DOCK8: variants seen among roughly 807,000 people sequenced by gnomAD.
DOCK8 encodes the protein dedicator of cytokinesis 8.
DOCK8 carries 141 observed loss-of-function variants against 245.6 expected under a neutral mutation model. The observed-to-expected ratio is 0.57, with a 90% CI of 0.50 to 0.66. The LOEUF is 0.66. DOCK8 is among the 30% of genes least tolerant of loss of function. The probability of loss-of-function intolerance (pLI) is 0.00; values close to 1 mark genes in which losing one functional copy is unlikely to be tolerated. For synonymous variants in DOCK8, 1,168 were observed against 970.2 expected (o/e 1.20, Z -3.79); for missense variants, 2,965 against 2,603.4 (o/e 1.14, Z -3.02).
At chr9:423,670 C>G (rs1280716792) in intron 33 of DOCK8, among the ~76,000 whole-genome samples, 1 of 152,140 alleles carries the variant, frequency 6.6e-6, no homozygotes, top group South Asian at 2.1e-4. Flanking sequence ...GGTATCATGC[C>G]TATTTGCTTT....
At chr9:383,262 C>T (rs1015369386) in intron 22 of DOCK8, among the ~76,000 whole-genome samples, 16 of 151,608 alleles carry the variant, frequency 1.1e-4, no homozygotes, top group Admixed American at 5.3e-4. Context: ...TGGCCAAGCA[C>T]GGTGGCTCAC....
chr9:446,663 G>T, intron 44 of DOCK8, 57 bp downstream of exon 44: 2 of 1,512,034 alleles, frequency 1.3e-6, no homozygotes, highest in South Asian at 1.1e-5. Context: ...GGCCTCCCAG[G>T]AGGACCCACA....
At chr9:252,693 A>G (rs2484948) in intron 1 of DOCK8, among the ~76,000 whole-genome samples, 52,867 of 151,038 alleles carry the variant, frequency 0.35, 10,750 homozygotes, top group East Asian at 0.79. Context: ...AGCCCCAGCT[A>G]CTTGGTAGGC....
intron 46 of DOCK8, among the ~76,000 whole-genome samples, chr9:455,425 C>G (rs1418952374): frequency 6.6e-6 from 1 of 152,184 alleles, no homozygotes; most frequent in Non-Finnish European, 1.5e-5. Context: ...GCGAGGATAG[C>G]TTGAGCCCGA....
At chr9:351,847 T>C (rs1232608535) in intron 14 of DOCK8, among the ~76,000 whole-genome samples, 1 of 152,206 alleles carries the variant, frequency 6.6e-6, no homozygotes, top group Non-Finnish European at 1.5e-5. Flanking sequence ...AAACCCTGCA[T>C]TTTTGCACTG....
chr9:448,460 G>C (rs2057332348), intron 44 of DOCK8, among the ~76,000 whole-genome samples: 1 of 152,176 alleles, frequency 6.6e-6, no homozygotes. Context: ...ACAGTTCTCA[G>C]CTGTTTGCTA....
intron 2 of DOCK8, among the ~76,000 whole-genome samples, chr9:280,278 T>C (rs2048522361): frequency 6.6e-6 from 1 of 152,236 alleles, no homozygotes; most frequent in African/African-American, 2.4e-5. Context: ...GCATAAGCCT[T>C]CACTAGAGAA....
chr9:349,304 A>G (rs1014343409), intron 14 of DOCK8, among the ~76,000 whole-genome samples: 14 of 147,270 alleles, frequency 9.5e-5, no homozygotes, highest in African/African-American at 3.5e-4. Flanking sequence ...GAAAGATTCT[A>G]AAACTTTCAA....
intron 34 of DOCK8, 136 bp from the exon 35 acceptor site, chr9:428,226 A>G: frequency 7.6e-7 from 1 of 1,324,132 alleles, no homozygotes. Context: ...AATGGATGAT[A>G]CCCATGGTGG....
chr9:353,522 G>A (rs1261484638), intron 14 of DOCK8, among the ~76,000 whole-genome samples: 7 of 152,168 alleles, frequency 4.6e-5, no homozygotes, highest in Non-Finnish European at 7.3e-5. Flanking sequence ...AATTGGAAGC[G>A]TTCTGGTATT....
chr9:412,247 T>A (rs1239835175), intron 28 of DOCK8, among the ~76,000 whole-genome samples: 1 of 151,570 alleles, frequency 6.6e-6, no homozygotes, highest in African/African-American at 2.4e-5. Context: ...CTACAAGAAA[T>A]ACAAAAATTA....
chr9:428,250 T>G (rs956897889), intron 34 of DOCK8, 112 bp from the exon 35 acceptor site: 12 of 1,562,346 alleles, frequency 7.7e-6, no homozygotes, highest in Non-Finnish European at 8.8e-6. Flanking sequence ...ACCAAACTCT[T>G]AAGACTCACC....
rs1353026850 is a variant in DOCK8 at position 370,257 on chromosome 9, G to C, written c.1825G>C (p.Glu609Gln). 1 of 1,614,018 alleles carries C rather than the reference G, an allele frequency of 6.2e-7. No homozygotes were observed. Among genetic ancestry groups the C allele is most frequent in the African/African-American group, 1.3e-5 (1 of 74,940 alleles). ...PVIFGKSSGP[E>Q]FLQEVYTAVT... is the part of the protein sequence containing the mutation. ...CATCTTTGGAAAATCCAGCGGGCCT[G>C]AATTTCTGCAGGAAGTGTACACAGC... The change falls in exon 16 of 48, where the codon GAA (glutamate) becomes CAA (glutamine). Residue 609 changes from glutamate (E) to glutamine (Q), a missense_variant. By Grantham distance (29) the Glu-to-Gln change is conservative. Coordinates refer to ENST00000432829, the MANE Select transcript of DOCK8 (RefSeq NM_203447.4).
At chr9:212,419 C>T (rs1031261565), upstream of DOCK8, among the ~76,000 whole-genome samples, 2 of 152,056 alleles carry the variant, frequency 1.3e-5, no homozygotes, top group African/African-American at 4.8e-5. Context: ...CAAGAGAGAC[C>T]ATCAGATGCG....
At chr9:284,967 G>A (rs1320386762) in intron 2 of DOCK8, among the ~76,000 whole-genome samples, 1 of 152,130 alleles carries the variant, frequency 6.6e-6, no homozygotes, top group Admixed American at 6.5e-5. Flanking sequence ...AAGAGGGAGA[G>A]GAGCAGAAAA....
chr9:270,272 A>G (rs2048128810), intron 1 of DOCK8, among the ~76,000 whole-genome samples: 1 of 152,236 alleles, frequency 6.6e-6, no homozygotes, highest in Non-Finnish European at 1.5e-5. Context: ...TTGCCTCATC[A>G]TGTAACGGGC....
At chr9:255,420 C>G (rs1246837086) in intron 1 of DOCK8, among the ~76,000 whole-genome samples, 1 of 152,118 alleles carries the variant, frequency 6.6e-6, no homozygotes, top group Non-Finnish European at 1.5e-5. Context: ...GTAATCCCAG[C>G]ACTTTGGGAG....
intron 34 of DOCK8, 140 bp downstream of exon 34, chr9:427,121 C>T (rs1203365346): frequency 2.7e-6 from 2 of 736,182 alleles, no homozygotes; most frequent in Non-Finnish European, 4.7e-6. Flanking sequence ...GAGAAGTTTA[C>T]TATTTACAAC....
rs191510063 is a variant in DOCK8, at chr9:268,034, G to A, written c.54-3593G>A. On this transcript the variant is annotated intron_variant, in intron 1 of 47. Transcript: ENST00000432829. Reference sequence around the variant, plus strand: ...ATATACAACCCCACCAGGGGTGTGAGGCATGCTGGTTTTCCCACAGCTTGA... The same window carrying A: ...ATATACAACCCCACCAGGGGTGTGAAGCATGCTGGTTTTCCCACAGCTTGA... 13 of 152,328 alleles carry A rather than the reference G, an allele frequency of 8.5e-5. 1 individual carries two copies. In the East Asian group the frequency reaches 2.1e-3, roughly 25 times the overall value. The allele number at this position is 152,328 out of a possible 1,614,324, so 9.4% of individuals were successfully genotyped here.
Sources: gnomAD v4.1 joint callset for allele counts (sites outside exome capture counted in the v4.1 genomes callset) on GRCh38, gnomAD v4.1.1 for gene constraint, MANE v1.5 for transcripts, NCBI Gene and HGNC (gene_info 2026-07-23, HGNC 2026-07-21) for gene names.